MAJIN: variants seen among roughly 807,000 people sequenced by gnomAD.
MAJIN encodes membrane-anchored junction protein.
A neutral mutation model predicts 30.2 loss-of-function variants in MAJIN; 27 were observed. That is an observed-to-expected ratio of 0.89 (90% CI 0.66 to 1.23). The LOEUF (loss-of-function observed/expected upper bound fraction) is 1.23. Ranked by LOEUF, MAJIN falls within the 50% of genes most tolerant of loss-of-function variation. The pLI is 0.00. For synonymous variants in MAJIN, 78 were observed against 91.6 expected, an observed-to-expected ratio of 0.85 and a Z score of 0.85; for missense variants, 253 against 260.3, an observed-to-expected ratio of 0.97 and a Z score of 0.19.
In MAJIN at chr11:64,939,643, C is replaced by G. The variant is rs752862089; in HGVS notation, c.*1+19G>C. The G allele has an allele frequency of 5.6e-6, 9 of 1,603,946 alleles. No individual in the cohort carries two copies. The Admixed American group carries it at 1.5e-4, about 27-fold the overall frequency. On this transcript the variant is annotated intron_variant, in intron 10 of 10. Transcript: ENST00000301896. ...CTGAGCTGGATCTCGAGTCTGATGC[C>G]GGACAGAAGCTGTCTTACCTTAGAA...
At chr11:64,969,038 TTAGAC>T (rs1489450571) in intron 1 of MAJIN, among the ~76,000 whole-genome samples, 4 of 152,280 alleles carry the variant, frequency 2.6e-5, no homozygotes, top group Non-Finnish European at 5.9e-5. Flanking sequence ...GAGATATACT[TTAGAC>T]TAACTAACGG....
chr11:64,940,883 G>A (rs1329645252), intron 8 of MAJIN, among the ~76,000 whole-genome samples: 1 of 116,940 alleles, frequency 8.6e-6, no homozygotes, highest in African/African-American at 3.4e-5. Flanking sequence ...CTGTCACCCA[G>A]GCTGGAGTGC....
At chr11:64,947,542 C>A in intron 7 of MAJIN, 77 bp from the exon 8 acceptor site, 1 of 1,436,768 alleles carries the variant, frequency 7.0e-7, no homozygotes, top group South Asian at 1.2e-5. Flanking sequence ...GTGAAGAAAA[C>A]TCCCCATCCT....
chr11:64,963,686 A>T (rs1466597311), intron 1 of MAJIN, among the ~76,000 whole-genome samples: 1 of 152,018 alleles, frequency 6.6e-6, no homozygotes, highest in Non-Finnish European at 1.5e-5. Context: ...AAAAATACAA[A>T]AATTAGCTGG....
intron 3 of MAJIN, among the ~76,000 whole-genome samples, chr11:64,959,029 G>A (rs1945680973): frequency 6.7e-6 from 1 of 149,924 alleles, no homozygotes; most frequent in Non-Finnish European, 1.5e-5. Flanking sequence ...GCAGAGGTGA[G>A]AGGACTGCTT....
intron 1 of MAJIN, among the ~76,000 whole-genome samples, chr11:64,967,236 C>T (rs1445075283): frequency 1.3e-5 from 2 of 151,680 alleles, no homozygotes; most frequent in Admixed American, 6.6e-5. Flanking sequence ...GGTGAAAGCC[C>T]GCCTCTACTA....
At chr11:64,958,614 A>AT (rs1048440054) in intron 3 of MAJIN, among the ~76,000 whole-genome samples, 1 of 150,956 alleles carries the variant, frequency 6.6e-6, no homozygotes, top group African/African-American at 2.4e-5. Context: ...AAAAAAAAAA[A>AT]AAAGAAAGAA....
chr11:64,971,453 G>T (rs1945903358), intron 1 of MAJIN, among the ~76,000 whole-genome samples: 1 of 150,138 alleles, frequency 6.7e-6, no homozygotes, highest in Non-Finnish European at 1.5e-5. Context: ...AAAAAGGACG[G>T]AGGAAGTTGC....
intron 9 of MAJIN, among the ~76,000 whole-genome samples, chr11:64,940,356 C>A (rs748856587): frequency 6.6e-6 from 1 of 152,114 alleles, no homozygotes; most frequent in South Asian, 2.1e-4. Context: ...GAAGGGCATG[C>A]CCTACCTCCC....
At position 64,948,602 on chromosome 11, in the gene MAJIN, C is replaced by CATTCATATATATATAT. The variant is rs1179607088; in HGVS notation, c.350-784_350-783insATATATATATATGAAT. Among the ~76,000 whole-genome samples, 127 of 19,416 alleles carry CATTCATATATATATAT rather than the reference C, an allele frequency of 6.5e-3. 25 individuals carry two copies. Among genetic ancestry groups the CATTCATATATATATAT allele is most frequent in the Non-Finnish European group, 8.5e-3 (104 of 12,228 alleles). 12.7% of individuals were successfully genotyped at this position (19,416 alleles called of 152,430 possible). On this transcript the variant is annotated intron_variant, in intron 6 of 10. Transcript: ENST00000301896. Reference sequence around the variant, plus strand: ...GCACCACCACCATGTCGGGCTACATCATATATATATATATATATATATATA... The same window carrying CATTCATATATATATAT: ...GCACCACCACCATGTCGGGCTACATCATTCATATATATATATATATATATATATATATATATATATA...
chr11:64,970,183 G>A (rs1945875834), intron 1 of MAJIN, among the ~76,000 whole-genome samples: 1 of 144,292 alleles, frequency 6.9e-6, no homozygotes, highest in Admixed American at 6.9e-5. Context: ...GGCCAACATG[G>A]TGAAACCCCA....
intron 1 of MAJIN, among the ~76,000 whole-genome samples, chr11:64,964,814 G>C (rs1338008248): frequency 6.6e-6 from 1 of 151,958 alleles, no homozygotes; most frequent in African/African-American, 2.4e-5. Flanking sequence ...TCAAACTCCT[G>C]AGCTCAAGAG....
chr11:64,961,667 G>A (rs545212415), intron 1 of MAJIN, among the ~76,000 whole-genome samples: 14 of 150,304 alleles, frequency 9.3e-5, no homozygotes, highest in Non-Finnish European at 1.6e-4. Flanking sequence ...TAGTAGAGAC[G>A]GGGTTTCACC....
chr11:64,956,792 G>C (rs1231816333), intron 3 of MAJIN, among the ~76,000 whole-genome samples: 6 of 51,064 alleles, frequency 1.2e-4, no homozygotes, highest in Non-Finnish European at 3.8e-5. Context: ...TTGAGATGTT[G>C]TTTCGCTCTT....
At chr11:64,957,569 A>G (rs1165304009) in intron 3 of MAJIN, among the ~76,000 whole-genome samples, 1 of 150,980 alleles carries the variant, frequency 6.6e-6, no homozygotes, top group Non-Finnish European at 1.5e-5. Context: ...ATGCTCAGCT[A>G]ATTTTTTTAT....
At chr11:64,966,693 G>C (rs1945815253) in intron 1 of MAJIN, among the ~76,000 whole-genome samples, 1 of 152,100 alleles carries the variant, frequency 6.6e-6, no homozygotes, top group South Asian at 2.1e-4. Flanking sequence ...CAGCACTCTG[G>C]GAGGCCAAGG....
At chr11:64,963,717 A>G (rs1024660080) in intron 1 of MAJIN, among the ~76,000 whole-genome samples, 12 of 152,126 alleles carry the variant, frequency 7.9e-5, no homozygotes, top group African/African-American at 2.4e-4. Flanking sequence ...GGGCACCTGT[A>G]ATCCCAGCTA....
chr11:64,948,619 A>T (rs1244233477), intron 6 of MAJIN, among the ~76,000 whole-genome samples: 1 of 35,106 alleles, frequency 2.8e-5, no homozygotes, highest in African/African-American at 1.8e-4. Context: ...ATATATATAT[A>T]TATATATATA....
At chr11:64,942,154 C>G (rs776067042) in intron 8 of MAJIN, among the ~76,000 whole-genome samples, 4 of 152,180 alleles carry the variant, frequency 2.6e-5, no homozygotes, top group Non-Finnish European at 5.9e-5. Flanking sequence ...ACTCTCTTCA[C>G]CCAGTCAGAA....
Sources: allele counts gnomAD v4.1 joint callset (sites outside exome capture counted in the v4.1 genomes callset), GRCh38; gene constraint gnomAD v4.1.1; transcripts MANE v1.5; gene names NCBI Gene and HGNC (gene_info 2026-07-23, HGNC 2026-07-21).